EIPR1: variants seen among roughly 807,000 people sequenced by gnomAD.
EIPR1 encodes EARP and GARP complex-interacting protein 1.
EIPR1 carries 25 observed loss-of-function variants against 48.1 expected under a neutral mutation model. The observed-to-expected ratio is 0.52, with a 90% confidence interval of 0.38 to 0.73. EIPR1 has a LOEUF of 0.73. Ranked by LOEUF, EIPR1 falls within the 30% of genes least tolerant of loss-of-function variation. The pLI, the probability that EIPR1 is intolerant of heterozygous loss-of-function variation, is 0.00. For synonymous variants in EIPR1, 204 were observed against 201.9 expected, an observed-to-expected ratio of 1.01 and a Z score of -0.09; for missense variants, 415 against 506.2, an observed-to-expected ratio of 0.82 and a Z score of 1.73.
At position 3,192,559 on chromosome 2, in the gene EIPR1, G is replaced by C; in HGVS notation, c.844C>G (p.His282Asp). The change falls in exon 8 of 9, where the codon CAC (histidine) becomes GAC (aspartate). Residue 282 changes from histidine (H) to aspartate (D), a missense_variant. Transcript: ENST00000382125. Reference protein sequence around the residue: ...SHWVWNVRYNHSHDQLVLTGS... With the variant: ...SHWVWNVRYNDSHDQLVLTGS... ...GTGAGGACCAGCTGGTCATGAGAGT[G>C]GTTGTAGCGGACGTTCCACACCCTG... 6.2e-7 allele frequency: 1 copy of C among 1,612,114 alleles called. No homozygotes were observed. Among genetic ancestry groups the C allele is most frequent in the Non-Finnish European group, 8.5e-7 (1 of 1,179,600 alleles).
At chr2:3,257,236 A>C in intron 4 of EIPR1, 63 bp downstream of exon 4, 1 of 1,542,300 alleles carries the variant, frequency 6.5e-7, no homozygotes, top group Non-Finnish European at 8.8e-7. Context: ...GAATCTGCAC[A>C]AGCTCCTGCA....
intron 2 of EIPR1, among the ~76,000 whole-genome samples, chr2:3,342,321 A>G (rs2103357833): frequency 6.6e-6 from 1 of 152,388 alleles, no homozygotes; most frequent in South Asian, 2.1e-4. Flanking sequence ...ATAGCAAATT[A>G]GAAGTAATTT....
At chr2:3,208,489 C>T (rs1263664259) in intron 5 of EIPR1, 1 of 1,520,986 alleles carries the variant, frequency 6.6e-7, no homozygotes, top group Non-Finnish European at 8.8e-7. Context: ...GGGAGGGGGC[C>T]CAATTATATG....
intron 1 of EIPR1, among the ~76,000 whole-genome samples, chr2:3,357,938 A>G (rs768117810): frequency 5.3e-5 from 8 of 152,332 alleles, no homozygotes; most frequent in South Asian, 2.1e-4. Context: ...GCCCAGGGAG[A>G]TTCATTTTGG....
rs1467928896 is a variant in EIPR1 at position 3,263,175 on chromosome 2, C to T, written c.260-5720G>A. On this transcript the variant is annotated intron_variant, in intron 3 of 8. Transcript: ENST00000382125. Reference sequence around the variant, plus strand: ...CGGCTGGGAGAGCATGGAGGGAAAGCTGATTGTGAAGAACGGTGATCATGA... The same window carrying T: ...CGGCTGGGAGAGCATGGAGGGAAAGTTGATTGTGAAGAACGGTGATCATGA... Among the ~76,000 whole-genome samples, 3 of 152,162 alleles carry T rather than the reference C, an allele frequency of 2.0e-5. No homozygotes were observed. In the East Asian group the frequency reaches 5.8e-4, roughly 29 times the overall value.
At chr2:3,201,991 C>G (rs6742981) in intron 5 of EIPR1, among the ~76,000 whole-genome samples, 1 of 151,788 alleles carries the variant, frequency 6.6e-6, no homozygotes, top group Non-Finnish European at 1.5e-5. Context: ...GGCTGGAGTG[C>G]AGTGGCGCGA....
At chr2:3,214,718 G>A (rs544119975) in intron 4 of EIPR1, among the ~76,000 whole-genome samples, 96 of 152,272 alleles carry the variant, frequency 6.3e-4, no homozygotes, top group African/African-American at 1.8e-3. Flanking sequence ...CTCATGTAAC[G>A]TATTGGATAT....
intron 2 of EIPR1, among the ~76,000 whole-genome samples, chr2:3,350,082 C>T (rs1413853116): frequency 7.8e-6 from 1 of 128,054 alleles, no homozygotes; most frequent in African/African-American, 3.0e-5. Context: ...CACGCCACTG[C>T]ACTCCAGCCT....
In EIPR1 at chr2:3,202,442, G is replaced by A. The variant is rs141963831; in HGVS notation, c.517-5425C>T. ...GACCAACTAGCAGATATAATGAAAA[G>A]GCTGGATATTGTTTCTAACTAATCG... On this transcript the variant is annotated intron_variant, in intron 5 of 8. Coordinates refer to ENST00000382125, the MANE Select transcript of EIPR1 (RefSeq NM_003310.5). Among the ~76,000 whole-genome samples the A allele has an allele frequency of 2.6e-5, 4 of 152,340 alleles. No homozygotes were observed. In the East Asian group the frequency reaches 5.8e-4, roughly 22 times the overall value.
At chr2:3,323,916 G>A (rs1669612302) in intron 3 of EIPR1, among the ~76,000 whole-genome samples, 1 of 152,216 alleles carries the variant, frequency 6.6e-6, no homozygotes, top group Admixed American at 6.5e-5. Context: ...CGCTGCTGCC[G>A]TGTTGGAGTA....
At chr2:3,323,776 G>A (rs1204691671) in intron 3 of EIPR1, among the ~76,000 whole-genome samples, 2 of 152,228 alleles carry the variant, frequency 1.3e-5, no homozygotes, top group Non-Finnish European at 2.9e-5. Flanking sequence ...TTTCTCATCT[G>A]AAAAGCTGGG....
rs958106237 is a variant in EIPR1, at chr2:3,274,638, T to TA, written c.260-17184dup. On this transcript the variant is annotated intron_variant, in intron 3 of 8. Coordinates refer to ENST00000382125, the MANE Select transcript of EIPR1 (RefSeq NM_003310.5). Reference sequence around the variant, plus strand: ...AGAAGAAAGGTCTCAAATTCGAAGTTAAAAAAAAAAAATTAAGCGAAATAA... The same window carrying TA: ...AGAAGAAAGGTCTCAAATTCGAAGTTAAAAAAAAAAAAATTAAGCGAAATAA... 4.5e-3 allele frequency among the ~76,000 whole-genome samples: 655 copies of TA among 144,892 alleles called. 12 individuals carry two copies. The highest frequency in any genetic ancestry group is 0.034 in the Admixed American group (490 of 14,592).
intron 3 of EIPR1, among the ~76,000 whole-genome samples, chr2:3,309,777 A>G (rs1669064919): frequency 6.6e-6 from 1 of 152,194 alleles, no homozygotes; most frequent in South Asian, 2.1e-4. Context: ...AAGGTTGAAG[A>G]GACCGGTCCA....
At chr2:3,323,665 G>C (rs1047562237) in intron 3 of EIPR1, among the ~76,000 whole-genome samples, 7 of 152,200 alleles carry the variant, frequency 4.6e-5, no homozygotes, top group African/African-American at 1.7e-4. Context: ...ATGTGAGGGA[G>C]AGTCTGGGAG....
chr2:3,196,019 C>T (rs965067007), intron 6 of EIPR1, among the ~76,000 whole-genome samples: 4 of 152,232 alleles, frequency 2.6e-5, no homozygotes, highest in Non-Finnish European at 4.4e-5. Flanking sequence ...ACGATGACCA[C>T]AGGACATGGA....
intron 2 of EIPR1, among the ~76,000 whole-genome samples, chr2:3,354,349 G>T (rs35431353): frequency 0.16 from 24,581 of 152,178 alleles, 2,201 homozygotes; most frequent in Non-Finnish European, 0.2. Flanking sequence ...AACAGAGGAA[G>T]TTTAAATTAC....
At chr2:3,225,885 C>T (rs12992335) in intron 4 of EIPR1, among the ~76,000 whole-genome samples, 4,234 of 152,280 alleles carry the variant, frequency 0.028, 62 homozygotes, top group Non-Finnish European at 0.041. Flanking sequence ...GGTGAGATCG[C>T]GCAGTATTTG....
chr2:3,226,913 T>C (rs1291821963), intron 4 of EIPR1, among the ~76,000 whole-genome samples: 1 of 152,260 alleles, frequency 6.6e-6, no homozygotes, highest in African/African-American at 2.4e-5. Flanking sequence ...GACATGCCTT[T>C]GTTCCTCCTT....
intron 3 of EIPR1, among the ~76,000 whole-genome samples, chr2:3,295,434 C>G (rs1263211534): frequency 7.3e-6 from 1 of 136,580 alleles, no homozygotes; most frequent in South Asian, 2.5e-4. Context: ...CCTCTCTGCA[C>G]ACACACACCC....
Sources: allele counts gnomAD v4.1 joint callset (sites outside exome capture counted in the v4.1 genomes callset), GRCh38; gene constraint gnomAD v4.1.1; transcripts MANE v1.5; gene names NCBI Gene and HGNC (gene_info 2026-07-23, HGNC 2026-07-21).